RABGAP1L: variants seen among roughly 807,000 people sequenced by gnomAD.
The protein encoded by RABGAP1L is rab GTPase-activating protein 1-like.
In RABGAP1L, 63 loss-of-function variants were observed where a neutral mutation model predicts 137.7. The ratio of observed to expected loss-of-function variants is 0.46; its 90% confidence interval spans 0.37 to 0.56. RABGAP1L has a LOEUF of 0.56. RABGAP1L is among the 20% of genes least tolerant of loss of function. The pLI is 0.00. For missense variants in RABGAP1L, 1,095 were observed against 1,244.0 expected (o/e 0.88, Z 1.80); for synonymous variants, 431 against 433.7 (o/e 0.99, Z 0.08).
intron 22 of RABGAP1L, among the ~76,000 whole-genome samples, chr1:174,977,033 T>C (rs1366264523): frequency 6.6e-6 from 1 of 152,206 alleles, no homozygotes; most frequent in African/African-American, 2.4e-5. Flanking sequence ...TGAGGAAGCA[T>C]CTCAAATCGT....
chr1:174,740,554 G>C (rs767359750), intron 17 of RABGAP1L, among the ~76,000 whole-genome samples: 3 of 152,126 alleles, frequency 2.0e-5, no homozygotes, highest in Non-Finnish European at 1.5e-5. Context: ...ATATATGTGA[G>C]TTCTTTGATA....
chr1:174,596,400 G>A (rs902417083), intron 13 of RABGAP1L, among the ~76,000 whole-genome samples: 1 of 150,454 alleles, frequency 6.6e-6, no homozygotes, highest in Non-Finnish European at 1.5e-5. Flanking sequence ...TCTTTCATCA[G>A]TGTTTTGTAG....
At chr1:174,490,406 C>T (rs1475415901) in intron 13 of RABGAP1L, among the ~76,000 whole-genome samples, 1 of 152,144 alleles carries the variant, frequency 6.6e-6, no homozygotes, top group Non-Finnish European at 1.5e-5. Context: ...GACACTTGTT[C>T]TCTTCCCTTG....
At chr1:174,961,818 C>T (rs1236251222) in intron 20 of RABGAP1L, among the ~76,000 whole-genome samples, 2 of 123,720 alleles carry the variant, frequency 1.6e-5, no homozygotes, top group African/African-American at 5.9e-5. Context: ...TGCACTCCAG[C>T]GTGGGCAATA....
At chr1:174,741,181 A>G (rs1363079701) in intron 17 of RABGAP1L, among the ~76,000 whole-genome samples, 1 of 151,776 alleles carries the variant, frequency 6.6e-6, no homozygotes, top group Non-Finnish European at 1.5e-5. Context: ...AGGGTTCCCT[A>G]GATTTTTTCT....
intron 13 of RABGAP1L, among the ~76,000 whole-genome samples, chr1:174,598,542 C>T (rs192373832): frequency 2.6e-5 from 4 of 152,162 alleles, no homozygotes; most frequent in African/African-American, 7.2e-5. Flanking sequence ...GGGTCTATCT[C>T]TTTCTTAGCT....
intron 1 of RABGAP1L, among the ~76,000 whole-genome samples, chr1:174,173,648 CG>C (rs1405242845): frequency 3.3e-5 from 5 of 150,868 alleles, no homozygotes; most frequent in African/African-American, 7.3e-5. Flanking sequence ...CATTCTCTGT[CG>C]TTTTTTTTTC....
intron 13 of RABGAP1L, among the ~76,000 whole-genome samples, chr1:174,421,927 C>T (rs6699697): frequency 2.5e-4 from 38 of 151,928 alleles, no homozygotes; most frequent in Non-Finnish European, 4.7e-4. Context: ...TGCCACCATG[C>T]CTGGCTAATT....
chr1:174,760,711 G>A (rs1685150909), intron 18 of RABGAP1L, among the ~76,000 whole-genome samples: 1 of 152,160 alleles, frequency 6.6e-6, no homozygotes, highest in Non-Finnish European at 1.5e-5. Context: ...TGGATCAAAT[G>A]GTAATTCTGT....
chr1:174,920,924 T>A (rs1661690869), intron 19 of RABGAP1L, among the ~76,000 whole-genome samples: 1 of 152,142 alleles, frequency 6.6e-6, no homozygotes, highest in African/African-American at 2.4e-5. Context: ...TGGTACTTTG[T>A]TTTTTTGTTG....
intron 13 of RABGAP1L, among the ~76,000 whole-genome samples, chr1:174,419,409 A>G (rs1406567773): frequency 2.7e-5 from 4 of 147,206 alleles, no homozygotes; most frequent in African/African-American, 1.1e-4. Context: ...TTTCTGAAAT[A>G]TTTTTTGGAT....
intron 24 of RABGAP1L, among the ~76,000 whole-genome samples, chr1:174,988,109 G>A (rs1025579735): frequency 3.3e-5 from 5 of 152,110 alleles, no homozygotes; most frequent in African/African-American, 4.8e-5. Flanking sequence ...AGGCCCGGCC[G>A]GAGTTACTTT....
intron 10 of RABGAP1L, among the ~76,000 whole-genome samples, chr1:174,298,775 A>C (rs1347410037): frequency 1.3e-5 from 2 of 152,192 alleles, no homozygotes; most frequent in African/African-American, 4.8e-5. Context: ...TTACTTTCCC[A>C]AAAGGAAACC....
intron 13 of RABGAP1L, among the ~76,000 whole-genome samples, chr1:174,527,709 A>G (rs1163240591): frequency 6.6e-6 from 1 of 152,054 alleles, no homozygotes; most frequent in African/African-American, 2.4e-5. Flanking sequence ...TGTCTAGATT[A>G]TTTACCTAAT....
chr1:174,560,135 GAA>G (rs370736567), intron 13 of RABGAP1L, among the ~76,000 whole-genome samples: 3 of 129,372 alleles, frequency 2.3e-5, no homozygotes, highest in Admixed American at 7.9e-5. Context: ...CTCTGTCTCA[GAA>G]AAAAAAAAAA....
rs778435058 is a variant in RABGAP1L at position 174,448,639 on chromosome 1, C to G, written c.1710+54494C>G. The G allele has an allele frequency of 6.2e-7, 1 of 1,613,788 alleles. No individual in the cohort carries two copies. The highest frequency in any genetic ancestry group is 1.1e-5 in the South Asian group (1 of 91,066). On this transcript the variant is annotated intron_variant, in intron 13 of 25. Coordinates refer to ENST00000681986, the MANE Select transcript of RABGAP1L (RefSeq NM_001366446.1). The surrounding 1 kb of genome is among the most constrained non-coding windows in gnomAD (Gnocchi z 4.2). ...ACTCCTGCCTAATTTTCTTGCCTTC[C>G]TTTTTTGGCTGGGGGAAACCTGGTT...
chr1:174,660,615 A>G (rs1238382602), intron 14 of RABGAP1L, among the ~76,000 whole-genome samples: 3 of 152,180 alleles, frequency 2.0e-5, no homozygotes, highest in Non-Finnish European at 4.4e-5. Flanking sequence ...ACCAGGCTGT[A>G]AACTCCACAT....
chr1:174,676,468 G>C (rs1677635421), intron 14 of RABGAP1L, among the ~76,000 whole-genome samples: 1 of 152,110 alleles, frequency 6.6e-6, no homozygotes, highest in South Asian at 2.1e-4. Flanking sequence ...TAGTTTTTGT[G>C]ACAAAGCAAA....
chr1:174,484,802 G>C (rs991147057), intron 13 of RABGAP1L, among the ~76,000 whole-genome samples: 1 of 152,102 alleles, frequency 6.6e-6, no homozygotes, highest in Non-Finnish European at 1.5e-5. Context: ...TTCCAGTTCT[G>C]TTCTTTTTGC....
Sources: allele counts gnomAD v4.1 joint callset (sites outside exome capture counted in the v4.1 genomes callset), GRCh38; gene constraint gnomAD v4.1.1; non-coding constraint Gnocchi (gnomAD v3.1); transcripts MANE v1.5; gene names NCBI Gene and HGNC (gene_info 2026-07-23, HGNC 2026-07-21).